NRXN1: variants seen among roughly 807,000 people sequenced by gnomAD.
NRXN1 encodes the protein neurexin 1, also known as neurexin-1.
NRXN1 carries 39 observed loss-of-function variants against 150.9 expected under a neutral mutation model. That is an observed-to-expected ratio of 0.26 (90% CI 0.20 to 0.34). The LOEUF (loss-of-function observed/expected upper bound fraction) is 0.34, where lower values mean the gene tolerates loss of function less well. Ranked by LOEUF, NRXN1 falls within the 10% of genes least tolerant of loss-of-function variation. NRXN1 has a pLI of 1.00. For missense variants in NRXN1, 1,815 were observed against 1,949.9 expected (o/e 0.93, Z 1.30); for synonymous variants, 924 against 757.0 (o/e 1.22, Z -3.62).
chr2:50,110,834 T>C (rs1193705807), intron 18 of NRXN1, among the ~76,000 whole-genome samples: 1 of 152,178 alleles, frequency 6.6e-6, no homozygotes, highest in Non-Finnish European at 1.5e-5. Context: ...ACATTATTAG[T>C]TATAAAATTT....
intron 18 of NRXN1, among the ~76,000 whole-genome samples, chr2:50,158,270 C>T (rs2059149431): frequency 6.6e-6 from 1 of 151,572 alleles, no homozygotes. Flanking sequence ...CCACAGGATG[C>T]AAAAGTAGTA....
At chr2:50,901,786 A>G (rs916949076) in intron 5 of NRXN1, among the ~76,000 whole-genome samples, 22 of 152,234 alleles carry the variant, frequency 1.4e-4, no homozygotes, top group Non-Finnish European at 2.8e-4. Context: ...CCAATAGTCC[A>G]CAAGTTCTTC....
chr2:50,874,328 C>T (rs1318221872), intron 5 of NRXN1, among the ~76,000 whole-genome samples: 1 of 151,832 alleles, frequency 6.6e-6, no homozygotes, highest in Non-Finnish European at 1.5e-5. Context: ...ACTATCAATT[C>T]TTTGTCAGGT....
At chr2:50,683,025 A>G (rs886793916) in intron 5 of NRXN1, among the ~76,000 whole-genome samples, 3 of 152,092 alleles carry the variant, frequency 2.0e-5, no homozygotes, top group African/African-American at 7.2e-5. Flanking sequence ...TTGAGGGCCT[A>G]CAAAGTACAG....
In NRXN1 at chr2:50,715,115, T is replaced by G. The variant is rs533609528; in HGVS notation, c.833-91500A>C. Among the ~76,000 whole-genome samples the G allele has an allele frequency of 2.6e-4, 39 of 152,286 alleles. 1 individual carries two copies. The South Asian group carries it at 6.2e-3, about 24-fold the overall frequency. ...ATGCAAAAATTTATATTAACTTCTT[T>G]TACTCAAAGGGTACTCTTTCTGTCA... On this transcript the variant is annotated intron_variant, in intron 5 of 22. Coordinates refer to ENST00000401669, the MANE Select transcript of NRXN1 (RefSeq NM_001330078.2).
intron 18 of NRXN1, among the ~76,000 whole-genome samples, chr2:50,144,654 G>A (rs1416554506): frequency 6.6e-6 from 1 of 151,814 alleles, no homozygotes; most frequent in East Asian, 1.9e-4. Flanking sequence ...ATGTATGTAT[G>A]TATATGCATA....
chr2:50,201,401 G>A (rs1426730242), intron 18 of NRXN1, among the ~76,000 whole-genome samples: 3 of 152,170 alleles, frequency 2.0e-5, no homozygotes, highest in South Asian at 2.1e-4. Flanking sequence ...TTAGGATCCA[G>A]TGGAAGATGT....
intron 18 of NRXN1, among the ~76,000 whole-genome samples, chr2:50,218,523 A>G (rs1262723080): frequency 6.6e-6 from 1 of 150,624 alleles, no homozygotes; most frequent in Non-Finnish European, 1.5e-5. Flanking sequence ...TCAGAATCTA[A>G]ACGTCTTTGG....
At chr2:50,831,698 C>T (rs1350435897) in intron 5 of NRXN1, among the ~76,000 whole-genome samples, 1 of 152,182 alleles carries the variant, frequency 6.6e-6, no homozygotes, top group Non-Finnish European at 1.5e-5. Context: ...GACGTTACAC[C>T]TACCCTCATA....
At chr2:50,357,515 T>C (rs1301897480) in intron 17 of NRXN1, among the ~76,000 whole-genome samples, 4 of 151,560 alleles carry the variant, frequency 2.6e-5, no homozygotes, top group East Asian at 3.9e-4. Flanking sequence ...TCCATGTTAG[T>C]CAGGCTGATC....
intron 15 of NRXN1, among the ~76,000 whole-genome samples, chr2:50,495,082 T>TCC (rs2091488969): frequency 6.6e-6 from 1 of 151,096 alleles, no homozygotes; most frequent in Non-Finnish European, 1.5e-5. Context: ...GTTTCCTAAC[T>TCC]CCCCTCCTCC....
chr2:50,399,434 G>A (rs535893236), intron 17 of NRXN1, among the ~76,000 whole-genome samples: 17 of 151,796 alleles, frequency 1.1e-4, no homozygotes, highest in South Asian at 1.0e-3. Context: ...TTTTCTTCTC[G>A]GTTTTTCCCT....
At chr2:50,432,686 AT>A (rs1407249978) in intron 17 of NRXN1, among the ~76,000 whole-genome samples, 2 of 151,856 alleles carry the variant, frequency 1.3e-5, no homozygotes, top group Admixed American at 6.6e-5. Flanking sequence ...CTTTCATGTC[AT>A]TTTTTTCTAA....
intron 18 of NRXN1, among the ~76,000 whole-genome samples, chr2:50,220,445 C>T (rs966011708): frequency 9.2e-5 from 14 of 151,978 alleles, no homozygotes; most frequent in African/African-American, 3.4e-4. Flanking sequence ...AATACAAATG[C>T]TTTTTCTGGC....
chr2:50,652,845 C>G (rs372953037), intron 5 of NRXN1, among the ~76,000 whole-genome samples: 1 of 152,026 alleles, frequency 6.6e-6, no homozygotes, highest in East Asian at 1.9e-4. Context: ...TTTACTAACA[C>G]TGGTTATTGT....
chr2:50,510,485 C>CAAAAAAAAA (rs540578029), intron 12 of NRXN1, among the ~76,000 whole-genome samples: 8 of 39,698 alleles, frequency 2.0e-4, no homozygotes, highest in Non-Finnish European at 2.5e-4. Flanking sequence ...GACTCCATCT[C>CAAAAAAAAA]AAAAAAAAAA....
chr2:50,264,894 C>A (rs1047644292), intron 17 of NRXN1, among the ~76,000 whole-genome samples: 2 of 152,064 alleles, frequency 1.3e-5, no homozygotes, highest in Admixed American at 6.6e-5. Context: ...CTAGGACCAG[C>A]AGAAGCTTGA....
intron 5 of NRXN1, among the ~76,000 whole-genome samples, chr2:50,684,947 G>C (rs1690994164): frequency 6.6e-6 from 1 of 152,134 alleles, no homozygotes; most frequent in Admixed American, 6.5e-5. Context: ...ACATGAACCA[G>C]AGAATTTGAA....
chr2:50,123,309 T>C (rs1400503799), intron 18 of NRXN1, among the ~76,000 whole-genome samples: 1 of 151,934 alleles, frequency 6.6e-6, no homozygotes, highest in Admixed American at 6.6e-5. Flanking sequence ...CTTGTAAAGA[T>C]GAAAGGAGGT....
Sources: gnomAD v4.1 joint callset for allele counts (sites outside exome capture counted in the v4.1 genomes callset) on GRCh38, gnomAD v4.1.1 for gene constraint, MANE v1.5 for transcripts, NCBI Gene and HGNC (gene_info 2026-07-23, HGNC 2026-07-21) for gene names.